Variants in DNAI7 observed in about 807,000 individuals in gnomAD.
DNAI7 encodes dynein axonemal intermediate chain 7, also known as cancer susceptibility 1.
Under a neutral mutation model 86.6 loss-of-function variants are expected in DNAI7, and 78 were observed. The ratio of observed to expected loss-of-function variants is 0.90; its 90% CI spans 0.75 to 1.09. The LOEUF (loss-of-function observed/expected upper bound fraction) is 1.09, where lower values mean the gene tolerates loss of function less well. Among genes scored for constraint, DNAI7 ranks in the 50% least tolerant of loss-of-function variants. The pLI is 0.00. For missense variants in DNAI7, 753 were observed against 810.2 expected (o/e 0.93, Z 0.86); for synonymous variants, 274 against 273.0 (o/e 1.00, Z -0.04).
intron 7 of DNAI7, 102 bp downstream of exon 7, chr12:25,149,526 C>G: frequency 1.2e-6 from 1 of 816,886 alleles, no homozygotes; most frequent in Non-Finnish European, 1.9e-6. Flanking sequence ...CTAACTTTTC[C>G]ATAATCTCTT....
chr12:25,161,296 A>C, intron 2 of DNAI7, 99 bp from the exon 3 acceptor site: 1 of 1,068,122 alleles, frequency 9.4e-7, no homozygotes, highest in East Asian at 2.4e-5. Context: ...TTTTGCTTTC[A>C]TAAAACCAGC....
intron 14 of DNAI7, among the ~76,000 whole-genome samples, chr12:25,110,810 T>G (rs912549795): frequency 6.6e-6 from 1 of 152,230 alleles, no homozygotes; most frequent in Non-Finnish European, 1.5e-5. Flanking sequence ...TCATTTATTT[T>G]TTTAAATGTT....
In DNAI7 at chr12:25,153,775, A is replaced by G. The variant is rs372689531; in HGVS notation, c.438+544T>C. Reference sequence around the variant, plus strand: ...AGGTTTTACCTTACTTTTTTTGATTAAAGCAATGAATTTAAATTTTTTTTA... The same window carrying G: ...AGGTTTTACCTTACTTTTTTTGATTGAAGCAATGAATTTAAATTTTTTTTA... On this transcript the variant is annotated intron_variant, in intron 6 of 15. Coordinates refer to ENST00000395987, the MANE Select transcript of DNAI7 (RefSeq NM_018272.5). 3.9e-5 allele frequency among the ~76,000 whole-genome samples: 6 copies of G among 152,150 alleles called. No homozygotes were observed. In the East Asian group the frequency reaches 7.7e-4, roughly 19 times the overall value.
At chr12:25,167,008 T>C (rs145481325) in intron 2 of DNAI7, among the ~76,000 whole-genome samples, 17,518 of 152,104 alleles carry the variant, frequency 0.12, 1,362 homozygotes, top group Admixed American at 0.16. Flanking sequence ...CCTCCCACAG[T>C]ATTCCAGATA....
chr12:25,159,935 C>T (rs9634100), intron 3 of DNAI7, among the ~76,000 whole-genome samples: 45,107 of 151,960 alleles, frequency 0.3, 7,377 homozygotes, highest in Non-Finnish European at 0.36. Flanking sequence ...AATGTTTAAT[C>T]AGTTTTTTAA....
rs1190340029 is a variant in DNAI7 at position 25,158,580 on chromosome 12, A to G, written c.107-17T>C. 1.2e-6 allele frequency: 2 copies of G among 1,604,260 alleles called. No individual in the cohort carries two copies. The highest frequency in any genetic ancestry group is 3.4e-5 in the Admixed American group (2 of 59,156). Reference sequence around the variant, plus strand: ...GGGCTTCCTCTAAAGAACCAAAAATAATTTTTTTCTCAGTGAATAGATCAC... The same window carrying G: ...GGGCTTCCTCTAAAGAACCAAAAATGATTTTTTTCTCAGTGAATAGATCAC... On this transcript the variant is annotated splice_polypyrimidine_tract_variant and intron_variant, in intron 3 of 15. Transcript: ENST00000395987.
At chr12:25,147,749 T>G (rs1460355053) in intron 7 of DNAI7, among the ~76,000 whole-genome samples, 1 of 152,022 alleles carries the variant, frequency 6.6e-6, no homozygotes, top group East Asian at 1.9e-4. Flanking sequence ...GAATCATGAC[T>G]TTTCATTTTA....
chr12:25,156,980 A>C (rs2140986238), intron 4 of DNAI7, among the ~76,000 whole-genome samples: 1 of 152,056 alleles, frequency 6.6e-6, no homozygotes, highest in African/African-American at 2.4e-5. Context: ...ATATGGTTTC[A>C]TATTCCACAT....
chr12:25,144,242 T>C, intron 9 of DNAI7, 123 bp downstream of exon 9: 1 of 772,584 alleles, frequency 1.3e-6, no homozygotes, highest in Non-Finnish European at 2.1e-6. Context: ...ATTGAGGCAC[T>C]GGCAAGAAAG....
At chr12:25,161,635 G>T (rs1241236710) in intron 2 of DNAI7, among the ~76,000 whole-genome samples, 1 of 152,218 alleles carries the variant, frequency 6.6e-6, no homozygotes, top group East Asian at 1.9e-4. Flanking sequence ...AAGAAGGAGA[G>T]ATTACTTTCA....
Position 25,195,131 on chromosome 12 carries a change from G to T in DNAI7, c.-53C>A, listed in dbSNP as rs1555190058. 4 of 1,587,854 alleles carry T rather than the reference G, an allele frequency of 2.5e-6. No homozygotes were observed. Among genetic ancestry groups the T allele is most frequent in the South Asian group, 1.1e-5 (1 of 90,528 alleles). On this transcript the variant is annotated 5_prime_UTR_variant, in exon 1 of 16. Transcript: ENST00000395987. ...CGCAGAGTCGGAGCAGAAATTGTGTGGACAAACGCTCCCGGGTTGCCCGGA... is the reference window on the plus strand; with the variant it reads ...CGCAGAGTCGGAGCAGAAATTGTGTTGACAAACGCTCCCGGGTTGCCCGGA...
At chr12:25,113,529 T>C (rs1397232822) in intron 13 of DNAI7, among the ~76,000 whole-genome samples, 1 of 152,122 alleles carries the variant, frequency 6.6e-6, no homozygotes, top group Non-Finnish European at 1.5e-5. Context: ...CTCAAACTCC[T>C]GACCTCACGA....
rs765499532 is a variant in DNAI7, at chr12:25,149,716, T to G, written c.497A>C (p.Lys166Thr). The G allele has an allele frequency of 3.8e-6, 6 of 1,573,646 alleles. No individual in the cohort carries two copies. The highest frequency in any genetic ancestry group is 1.7e-5 in the Admixed American group (1 of 59,326). ...LETPPCDLQD[K>T]NIIQYQESIL... ...TGATTCTTGGTACTGTATTATATTT[T>G]TATCTTGCAAATCACATGGTGGAGT... Residue 166 changes from lysine (K) to threonine (T), a missense_variant, in exon 7 of 16, where the codon AAA becomes ACA. Coordinates refer to ENST00000395987, the MANE Select transcript of DNAI7 (RefSeq NM_018272.5).
intron 9 of DNAI7, among the ~76,000 whole-genome samples, chr12:25,139,132 A>G (rs1327156518): frequency 6.6e-6 from 1 of 152,138 alleles, no homozygotes; most frequent in African/African-American, 2.4e-5. Context: ...TCCTGGAAAT[A>G]TACACCTCTC....
intron 12 of DNAI7, among the ~76,000 whole-genome samples, chr12:25,118,767 T>C (rs1255154191): frequency 6.6e-6 from 1 of 152,180 alleles, no homozygotes; most frequent in Non-Finnish European, 1.5e-5. Context: ...GGTTTCACCA[T>C]GTTGCCCAGG....
intron 2 of DNAI7, among the ~76,000 whole-genome samples, chr12:25,164,365 ACT>A (rs200694291): frequency 6.8e-6 from 1 of 148,090 alleles, no homozygotes. Flanking sequence ...CTGTGTCTCT[ACT>A]CTCTCTTTTC....
Position 25,190,603 on chromosome 12 carries a change from A to C in DNAI7, c.21+11T>G. 2 of 1,349,520 alleles carry C rather than the reference A, an allele frequency of 1.5e-6. No individual in the cohort carries two copies. The highest frequency in any genetic ancestry group is 4.9e-5 in the East Asian group (2 of 40,874). 83.6% of individuals were successfully genotyped at this position (1,349,520 alleles called of 1,614,324 possible). A position where few individuals can be genotyped will look rare whatever the true frequency, so the allele number is the denominator to read the frequency against. On this transcript the variant is annotated intron_variant, in intron 2 of 15. Transcript: ENST00000395987. ...TATACAACTATCTATTTTGAAAAAA[A>C]TTCTACATACCTTTTTTGCTTTGGG...
At chr12:25,144,994 C>G (rs974216764) in intron 8 of DNAI7, among the ~76,000 whole-genome samples, 4 of 152,138 alleles carry the variant, frequency 2.6e-5, no homozygotes, top group Non-Finnish European at 5.9e-5. Context: ...TTTCTCCTCT[C>G]CCTCAACATA....
rs1256647045 is a variant in DNAI7 at position 25,128,195 on chromosome 12, G to C, written c.1003-4909C>G. 2.0e-5 allele frequency among the ~76,000 whole-genome samples: 3 copies of C among 152,238 alleles called. No individual in the cohort carries two copies. The East Asian group carries it at 5.8e-4, about 29-fold the overall frequency. ...TCTTGAATTTTATTATCCATCAACA[G>C]AAGATCTATGCAAAAGAAATTCATT... On this transcript the variant is annotated intron_variant, in intron 9 of 15. Coordinates refer to ENST00000395987, the MANE Select transcript of DNAI7 (RefSeq NM_018272.5).
Sources: allele counts gnomAD v4.1 joint callset (sites outside exome capture counted in the v4.1 genomes callset), GRCh38; gene constraint gnomAD v4.1.1; transcripts MANE v1.5; gene names NCBI Gene and HGNC (gene_info 2026-07-23, HGNC 2026-07-21).